The following BABAM2 variants were observed in gnomAD, a reference collection of about 807,000 sequenced individuals.
The protein encoded by BABAM2 is BRISC and BRCA1 A complex member 2.
A neutral mutation model predicts 54.7 loss-of-function variants in BABAM2; 31 were observed. That is an observed-to-expected ratio of 0.57 (90% confidence interval 0.43 to 0.77). The LOEUF is 0.77. BABAM2 is among the 30% of genes least tolerant of loss of function. The probability of loss-of-function intolerance (pLI) is 0.00; values close to 1 mark genes in which losing one functional copy is unlikely to be tolerated. For missense variants in BABAM2, 364 were observed against 455.8 expected (o/e 0.80, Z 1.83); for synonymous variants, 167 against 162.9 (o/e 1.03, Z -0.19).
At chr2:28,052,877 A>G (rs1678104534) in intron 6 of BABAM2, among the ~76,000 whole-genome samples, 1 of 152,210 alleles carries the variant, frequency 6.6e-6, no homozygotes, top group African/African-American at 2.4e-5. Context: ...CCTTAGGAAC[A>G]GGGGAGGATT....
chr2:28,298,831 A>C (rs1687897970), intron 11 of BABAM2, among the ~76,000 whole-genome samples: 1 of 152,056 alleles, frequency 6.6e-6, no homozygotes, highest in African/African-American at 2.4e-5. Flanking sequence ...TAGCCATGAC[A>C]GCTTTTGTTT....
intron 7 of BABAM2, among the ~76,000 whole-genome samples, chr2:28,221,482 C>CA (rs1010570167): frequency 3.3e-5 from 5 of 152,092 alleles, no homozygotes; most frequent in Non-Finnish European, 5.9e-5. Context: ...AATTTAGCCA[C>CA]AAAAAAATGT....
At chr2:27,982,377 T>C (rs1199568243) in intron 3 of BABAM2, among the ~76,000 whole-genome samples, 4 of 152,108 alleles carry the variant, frequency 2.6e-5, no homozygotes, top group Admixed American at 2.6e-4. Flanking sequence ...TTTTTGTTGT[T>C]GTTGCTTGAT....
At chr2:27,920,080 G>A (rs1667241072) in intron 2 of BABAM2, among the ~76,000 whole-genome samples, 1 of 152,150 alleles carries the variant, frequency 6.6e-6, no homozygotes, top group African/African-American at 2.4e-5. Context: ...TTTAGAGATA[G>A]AATGTACTTG....
At chr2:28,172,290 A>G (rs1181032746) in intron 7 of BABAM2, among the ~76,000 whole-genome samples, 2 of 152,022 alleles carry the variant, frequency 1.3e-5, no homozygotes. Context: ...CACTGTGTTA[A>G]TTTTTCTCAT....
At chr2:28,118,025 T>C (rs1210604255) in intron 6 of BABAM2, among the ~76,000 whole-genome samples, 1 of 152,218 alleles carries the variant, frequency 6.6e-6, no homozygotes, top group African/African-American at 2.4e-5. Context: ...AAAAACTCAC[T>C]ATTGTTTAAA....
intron 11 of BABAM2, among the ~76,000 whole-genome samples, chr2:28,298,894 A>C (rs937699063): frequency 2.6e-5 from 4 of 152,192 alleles, no homozygotes; most frequent in Non-Finnish European, 4.4e-5. Context: ...TTTAGAGTAG[A>C]GGATAAATAC....
intron 4 of BABAM2, among the ~76,000 whole-genome samples, chr2:28,021,602 T>C (rs950664041): frequency 6.6e-6 from 1 of 152,248 alleles, no homozygotes; most frequent in Non-Finnish European, 1.5e-5. Flanking sequence ...TTTCATATAT[T>C]GTCAGTCTCT....
intron 3 of BABAM2, among the ~76,000 whole-genome samples, chr2:27,938,953 GTTAT>G (rs1300355971): frequency 1.3e-5 from 2 of 151,982 alleles, no homozygotes; most frequent in African/African-American, 2.4e-5. Flanking sequence ...TTAAACTATA[GTTAT>G]TTATTTATTT....
chr2:28,199,966 T>C (rs999965992), intron 7 of BABAM2, among the ~76,000 whole-genome samples: 1 of 152,220 alleles, frequency 6.6e-6, no homozygotes, highest in Admixed American at 6.5e-5. Flanking sequence ...TCATTTTGAA[T>C]GTGTTAATGA....
At chr2:27,946,372 T>A (rs896505300) in intron 3 of BABAM2, among the ~76,000 whole-genome samples, 2 of 152,244 alleles carry the variant, frequency 1.3e-5, no homozygotes, top group Non-Finnish European at 2.9e-5. Flanking sequence ...TGTATGATCC[T>A]TCTGATGTAT....
intron 11 of BABAM2, among the ~76,000 whole-genome samples, chr2:28,328,711 T>G (rs1040242202): frequency 5.3e-5 from 8 of 152,178 alleles, no homozygotes; most frequent in African/African-American, 1.7e-4. Flanking sequence ...GCACTGGGGT[T>G]GGAGTGACAT....
At chr2:27,904,733 G>T (rs1312355166) in intron 2 of BABAM2, among the ~76,000 whole-genome samples, 2 of 152,176 alleles carry the variant, frequency 1.3e-5, no homozygotes, top group African/African-American at 4.8e-5. Flanking sequence ...CAATATGTCT[G>T]TTGGGCCAAC....
chr2:28,243,389 G>C (rs1204784961), intron 9 of BABAM2, among the ~76,000 whole-genome samples: 1 of 152,060 alleles, frequency 6.6e-6, no homozygotes, highest in Non-Finnish European at 1.5e-5. Flanking sequence ...AAAATTAGCT[G>C]GGCGTGGTGG....
chr2:27,970,385 T>C (rs1190726853), intron 3 of BABAM2, among the ~76,000 whole-genome samples: 1 of 152,254 alleles, frequency 6.6e-6, no homozygotes, highest in East Asian at 1.9e-4. Flanking sequence ...TGAGCATCTG[T>C]CAACCCTTTA....
chr2:28,335,966 G>A (rs1003896008), intron 11 of BABAM2, among the ~76,000 whole-genome samples: 7 of 152,142 alleles, frequency 4.6e-5, no homozygotes, highest in Non-Finnish European at 7.3e-5. Context: ...TCAAAGGGTC[G>A]CATGATCTCA....
chr2:28,066,175 A>T (rs1663544311), intron 6 of BABAM2, among the ~76,000 whole-genome samples: 1 of 150,200 alleles, frequency 6.7e-6, no homozygotes, highest in Non-Finnish European at 1.5e-5. Flanking sequence ...AAAAAAAAAT[A>T]AATAAATAAA....
At chr2:28,067,001 G>A (rs955332589) in intron 6 of BABAM2, among the ~76,000 whole-genome samples, 1 of 152,190 alleles carries the variant, frequency 6.6e-6, no homozygotes. Flanking sequence ...AGGCTGGAGT[G>A]CAATGGTGCA....
chr2:28,075,528 T>TTCTC (rs3056389), intron 6 of BABAM2, among the ~76,000 whole-genome samples: 11,011 of 150,294 alleles, frequency 0.073, 426 homozygotes, highest in South Asian at 0.12. Context: ...CATCACGTTT[T>TTCTC]TCTCTCTCTC....
Sources: allele counts gnomAD v4.1 joint callset (sites outside exome capture counted in the v4.1 genomes callset), GRCh38; gene constraint gnomAD v4.1.1; transcripts MANE v1.5; gene names NCBI Gene and HGNC (gene_info 2026-07-23, HGNC 2026-07-21).